Variants in ADAMTS15 observed in about 807,000 individuals in gnomAD.
ADAMTS15 encodes ADAM metallopeptidase with thrombospondin type 1 motif 15.
Under a neutral mutation model 79.1 loss-of-function variants are expected in ADAMTS15, and 35 were observed. The observed-to-expected ratio is 0.44, with a 90% confidence interval of 0.34 to 0.59. The LOEUF is 0.59. Ranked by LOEUF, ADAMTS15 falls within the 20% of genes least tolerant of loss-of-function variation. The probability of loss-of-function intolerance (pLI) is 0.02; values close to 1 mark genes in which losing one functional copy is unlikely to be tolerated. For synonymous variants in ADAMTS15, 616 were observed against 567.3 expected, an observed-to-expected ratio of 1.09 and a Z score of -1.22; for missense variants, 1,324 against 1,318.7, an observed-to-expected ratio of 1.00 and a Z score of -0.06.
At chr11:130,461,249 G>A (rs192670516) in intron 1 of ADAMTS15, among the ~76,000 whole-genome samples, 11 of 152,250 alleles carry the variant, frequency 7.2e-5, no homozygotes, top group Admixed American at 2.0e-4. Context: ...ATAGGGTTTG[G>A]GCAGAGTGTT....
At chr11:130,469,647 G>A (rs1439458100) in intron 5 of ADAMTS15, among the ~76,000 whole-genome samples, 1 of 152,202 alleles carries the variant, frequency 6.6e-6, no homozygotes, top group Non-Finnish European at 1.5e-5. Context: ...GCCTGGAAGT[G>A]GAGAGGTGCA....
chr11:130,473,728 T>C lies in ADAMTS15; in HGVS notation c.2760T>C (p.Cys920=), dbSNP rs2134743860. 1 of 1,599,934 alleles carries C rather than the reference T, an allele frequency of 6.3e-7. No individual in the cohort carries two copies. Residue 920 remains cysteine (C), a synonymous_variant, in exon 8 of 8, where the codon TGT becomes TGC. Transcript: ENST00000299164. ...GATTTCAGAGGCGCTCACTCAAGTG[T>C]GTGGGCCACGGAGGCCGGCTGCTGG... is the stretch of plus-strand genomic sequence containing the variant. ...GRGFQRRSLK[C]VGHGGRLLAR...
At chr11:130,470,237 G>A (rs569147097) in intron 5 of ADAMTS15, among the ~76,000 whole-genome samples, 2 of 130,102 alleles carry the variant, frequency 1.5e-5, no homozygotes, top group East Asian at 4.4e-4. Flanking sequence ...TTCTGAGGTA[G>A]AGTCTCACTC....
chr11:130,471,734 G>A (rs181927829), intron 7 of ADAMTS15, among the ~76,000 whole-genome samples: 1 of 152,288 alleles, frequency 6.6e-6, no homozygotes, highest in East Asian at 1.9e-4. Context: ...GATGACCTTG[G>A]GCAAGTGAAC....
At chr11:130,469,007 G>A (rs986176800) in intron 4 of ADAMTS15, among the ~76,000 whole-genome samples, 3 of 143,358 alleles carry the variant, frequency 2.1e-5, no homozygotes, top group Admixed American at 7.0e-5. Context: ...ACTGCCCAAA[G>A]AGGCCTCTCT....
rs1334753666 is a variant in ADAMTS15, at chr11:130,472,440, A to T, written c.2079-607A>T. 2.0e-5 allele frequency among the ~76,000 whole-genome samples: 3 copies of T among 152,208 alleles called. No individual in the cohort carries two copies. Among genetic ancestry groups the T allele is most frequent in the Non-Finnish European group, 2.9e-5 (2 of 68,028 alleles). ...AGGCTTGCCTCACTGGTTAAGTGGC[A>T]GATGTTCCTTTTACAGCCTGTTGGA... On this transcript the variant is annotated intron_variant, in intron 7 of 7. Transcript: ENST00000299164. The surrounding 1 kb of genome is among the most constrained non-coding windows in gnomAD (Gnocchi z 4.7).
At chr11:130,470,121 TATATATATATAC>T (rs1407604105) in intron 5 of ADAMTS15, among the ~76,000 whole-genome samples, 21 of 96,620 alleles carry the variant, frequency 2.2e-4, no homozygotes, top group Middle Eastern at 5.6e-3. Context: ...TACTGAATCA[TATATATATATAC>T]ATATATATAT....
At chr11:130,459,354 CAG>C (rs1938152571) in intron 1 of ADAMTS15, among the ~76,000 whole-genome samples, 1 of 152,108 alleles carries the variant, frequency 6.6e-6, no homozygotes. Flanking sequence ...TTTGTAGAGA[CAG>C]GGTCTCACCA....
rs139040895 is a variant in ADAMTS15, at chr11:130,470,444, T to C, written c.1721-476T>C. Among the ~76,000 whole-genome samples, 328 of 151,774 alleles carry C rather than the reference T, an allele frequency of 2.2e-3. 1 individual carries two copies. The highest frequency in any genetic ancestry group is 7.2e-3 in the African/African-American group (297 of 41,372). On this transcript the variant is annotated intron_variant, in intron 5 of 7. Transcript: ENST00000299164. ...GTTCGTGAGGCTGGTCTTGAATCCC[T>C]GACCTCTGGTGATCTGCCCGTCTCG...
At chr11:130,469,098 A>G (rs538850346) in intron 4 of ADAMTS15, among the ~76,000 whole-genome samples, 164 bp from the exon 5 acceptor site, 1 of 152,016 alleles carries the variant, frequency 6.6e-6, no homozygotes, top group South Asian at 2.1e-4. Context: ...CTTGGTGTGC[A>G]CTGGCCATTT....
At chr11:130,457,788 G>C (rs957609151) in intron 1 of ADAMTS15, among the ~76,000 whole-genome samples, 10 of 152,188 alleles carry the variant, frequency 6.6e-5, no homozygotes, top group African/African-American at 9.7e-5. Flanking sequence ...CCCTGTATAA[G>C]CACTCGTAGG....
Position 130,469,319 on chromosome 11 carries a change from G to T in ADAMTS15, c.1600G>T (p.Gly534Trp), listed in dbSNP as rs771374588. Residue 534 changes from glycine (G) to tryptophan (W), a missense_variant, in exon 5 of 8, where the codon GGG (glycine) becomes TGG (tryptophan). Gly to Trp is a radical substitution (Grantham distance 184). Transcript: ENST00000299164. ...TGGCCCCTGCTCGCGCACATGTGGT[G>T]GGGGCGTGCAGCTGGCCAGGAGGCA... ...PYGPCSRTCGGGVQLARRQCT... is the reference protein window; with the variant it reads ...PYGPCSRTCGWGVQLARRQCT... 1.4e-6 allele frequency: 2 copies of T among 1,396,824 alleles called. No individual in the cohort carries two copies. The highest frequency in any genetic ancestry group is 1.9e-6 in the Non-Finnish European group (2 of 1,070,126). The allele number at this position is 1,396,824 out of a possible 1,614,324, so 86.5% of individuals were successfully genotyped here.
At position 130,471,045 on chromosome 11, in the gene ADAMTS15, T is replaced by G; in HGVS notation, c.1846T>G (p.Cys616Gly). 6.2e-7 allele frequency: 1 copy of G among 1,613,840 alleles called. No individual in the cohort carries two copies. Among genetic ancestry groups the G allele is most frequent in the Non-Finnish European group, 8.5e-7 (1 of 1,180,026 alleles). The part of the protein sequence containing the change: ...KYSGVSPRDK[C>G]KLICRANGTG... ...CTCCGGCGTGTCTCCCCGGGACAAG[T>G]GCAAGCTCATCTGCCGAGCCAATGG... is the stretch of plus-strand genomic sequence containing the variant. The change falls in exon 6 of 8, where the codon TGC becomes GGC. Residue 616 changes from cysteine to glycine, a missense_variant. Coordinates refer to ENST00000299164, the MANE Select transcript of ADAMTS15 (RefSeq NM_139055.4).
At chr11:130,468,333 C>A (rs564985181) in intron 4 of ADAMTS15, among the ~76,000 whole-genome samples, 1 of 152,166 alleles carries the variant, frequency 6.6e-6, no homozygotes, top group African/African-American at 2.4e-5. Context: ...GGGCAGAGTC[C>A]GTTGAAAACA....
At position 130,472,708 on chromosome 11, in the gene ADAMTS15, C is replaced by T. The variant is rs1431559299; in HGVS notation, c.2079-339C>T. Among the ~76,000 whole-genome samples the T allele has an allele frequency of 1.3e-5, 2 of 151,076 alleles. No individual in the cohort carries two copies. The highest frequency in any genetic ancestry group is 2.1e-4 in the South Asian group (1 of 4,786). ...TCCTCCTCCTCCTCCTCCTCCTCCTCGTCCTCATGGCAGATGTCTACATAT... is the reference window on the plus strand; with the variant it reads ...TCCTCCTCCTCCTCCTCCTCCTCCTTGTCCTCATGGCAGATGTCTACATAT... On this transcript the variant is annotated intron_variant, in intron 7 of 7. Coordinates refer to ENST00000299164, the MANE Select transcript of ADAMTS15 (RefSeq NM_139055.4). This position sits in a 1 kb window ranked among gnomAD's most constrained non-coding sequence, Gnocchi z 4.7.
chr11:130,453,179 G>A (rs992672386), intron 1 of ADAMTS15, among the ~76,000 whole-genome samples: 3 of 152,074 alleles, frequency 2.0e-5, no homozygotes, highest in Non-Finnish European at 4.4e-5. Context: ...TGGCTGCGGA[G>A]TCGGGGCTGG....
chr11:130,469,655 G>A (rs1043919483), intron 5 of ADAMTS15, among the ~76,000 whole-genome samples: 1 of 152,212 alleles, frequency 6.6e-6, no homozygotes, highest in African/African-American at 2.4e-5. Flanking sequence ...GTGGAGAGGT[G>A]CAGATTCTTC....
At position 130,461,597 on chromosome 11, in the gene ADAMTS15, G is replaced by A. The variant is rs1474642398; in HGVS notation, c.1066G>A (p.Ala356Thr). The A allele has an allele frequency of 1.2e-6, 2 of 1,614,168 alleles. No homozygotes were observed. Among genetic ancestry groups the A allele is most frequent in the South Asian group, 1.1e-5 (1 of 91,086 alleles). The change falls in exon 2 of 8, where the codon GCC becomes ACC. Residue 356 changes from alanine to threonine, a missense_variant. Coordinates refer to ENST00000299164, the MANE Select transcript of ADAMTS15 (RefSeq NM_139055.4). ...CATTGAGGACGATGGGCTTCCATCA[G>A]CCTTCACCACTGCCCACGAGCTGGG... ...SVIEDDGLPS[A>T]FTTAHELGHV...
At chr11:130,461,991 C>T in intron 2 of ADAMTS15, 96 bp from the exon 3 acceptor site, 2 of 1,409,156 alleles carry the variant, frequency 1.4e-6, no homozygotes, top group South Asian at 1.3e-5. Context: ...GCCTGAAAAC[C>T]TCTGACATGG....
Sources: allele counts gnomAD v4.1 joint callset (sites outside exome capture counted in the v4.1 genomes callset), GRCh38; gene constraint gnomAD v4.1.1; non-coding constraint Gnocchi (gnomAD v3.1); transcripts MANE v1.5; gene names NCBI Gene and HGNC (gene_info 2026-07-23, HGNC 2026-07-21).